Variants in RHOT1 observed in about 807,000 individuals in gnomAD.
The protein encoded by RHOT1 is mitochondrial Rho GTPase 1.
A neutral mutation model predicts 95.3 loss-of-function variants in RHOT1; 27 were observed. The ratio of observed to expected loss-of-function variants is 0.28; its 90% confidence interval spans 0.21 to 0.39. The LOEUF (loss-of-function observed/expected upper bound fraction) is 0.39. Ranked by LOEUF, RHOT1 falls within the 10% of genes least tolerant of loss-of-function variation. The probability of loss-of-function intolerance (pLI) is 1.00; values close to 1 mark genes in which losing one functional copy is unlikely to be tolerated. For synonymous variants in RHOT1, 227 were observed against 263.5 expected (o/e 0.86, Z 1.34); for missense variants, 578 against 786.7 (o/e 0.73, Z 3.17).
chr17:32,181,055 G>A (rs1355832126), intron 6 of RHOT1, among the ~76,000 whole-genome samples: 1 of 152,184 alleles, frequency 6.6e-6, no homozygotes, highest in Non-Finnish European at 1.5e-5. Flanking sequence ...GGGCTATATG[G>A]TGGTCGGTCT....
chr17:32,148,766 G>A (rs555391415), intron 1 of RHOT1, among the ~76,000 whole-genome samples: 1 of 152,304 alleles, frequency 6.6e-6, no homozygotes, highest in African/African-American at 2.4e-5. Flanking sequence ...CTTGAAGCAG[G>A]GGGTGTTTGT....
At chr17:32,182,445 C>T (rs977571333) in intron 6 of RHOT1, among the ~76,000 whole-genome samples, 1 of 152,100 alleles carries the variant, frequency 6.6e-6, no homozygotes, top group Non-Finnish European at 1.5e-5. Flanking sequence ...GTGATCCTGC[C>T]ACTGCACTCC....
At chr17:32,208,508 A>C in intron 18 of RHOT1, 199 bp downstream of exon 18, 1 of 573,002 alleles carries the variant, frequency 1.7e-6, no homozygotes, top group Non-Finnish European at 3.1e-6. Flanking sequence ...TGCTTCTGAC[A>C]ATATCTGTAT....
At chr17:32,174,834 C>T (rs2142550032) in intron 3 of RHOT1, among the ~76,000 whole-genome samples, 1 of 152,304 alleles carries the variant, frequency 6.6e-6, no homozygotes, top group East Asian at 1.9e-4. Flanking sequence ...GCTAAAGATA[C>T]ATGCTAGAGA....
At chr17:32,207,178 G>A in intron 17 of RHOT1, 149 bp downstream of exon 17, 1 of 751,260 alleles carries the variant, frequency 1.3e-6, no homozygotes, top group Admixed American at 2.9e-5. Flanking sequence ...TGAAGGTTCT[G>A]GTTTTGTTCT....
chr17:32,184,257 C>A (rs1417808273), intron 8 of RHOT1, among the ~76,000 whole-genome samples: 2 of 151,982 alleles, frequency 1.3e-5, no homozygotes, highest in Admixed American at 1.3e-4. Context: ...GTTACTCAGC[C>A]CCTGGCCACC....
At chr17:32,169,818 C>T (rs955586322) in intron 1 of RHOT1, among the ~76,000 whole-genome samples, 4 of 151,978 alleles carry the variant, frequency 2.6e-5, no homozygotes, top group Non-Finnish European at 4.4e-5. Context: ...CCATCCTGGG[C>T]GACATGACGA....
intron 19 of RHOT1, among the ~76,000 whole-genome samples, chr17:32,214,069 G>A (rs755030041): frequency 6.6e-6 from 1 of 152,086 alleles, no homozygotes; most frequent in East Asian, 1.9e-4. Context: ...CCTTATCCCC[G>A]TTAGTATTTC....
intron 13 of RHOT1, among the ~76,000 whole-genome samples, chr17:32,199,774 G>C (rs1433879342): frequency 2.0e-5 from 3 of 152,108 alleles, no homozygotes; most frequent in African/African-American, 7.2e-5. Context: ...GGAAAAAGTA[G>C]TAAGTCTTTG....
At chr17:32,186,553 G>T (rs182657586) in intron 8 of RHOT1, among the ~76,000 whole-genome samples, 27 of 152,150 alleles carry the variant, frequency 1.8e-4, no homozygotes, top group Admixed American at 7.9e-4. Context: ...TTTTAGTAGA[G>T]ACGGGGTTTC....
intron 8 of RHOT1, among the ~76,000 whole-genome samples, chr17:32,188,343 G>T (rs1197209136): frequency 1.3e-5 from 2 of 152,192 alleles, no homozygotes; most frequent in African/African-American, 4.8e-5. Context: ...CTATGCAATT[G>T]AGTTTCCATT....
chr17:32,183,964 G>A (rs767237367), intron 8 of RHOT1, among the ~76,000 whole-genome samples: 16 of 152,220 alleles, frequency 1.1e-4, no homozygotes, highest in Non-Finnish European at 1.8e-4. Context: ...GGGATTACAG[G>A]CGTGAGCCAC....
chr17:32,205,194 T>C (rs552091780), intron 16 of RHOT1, among the ~76,000 whole-genome samples: 74 of 151,570 alleles, frequency 4.9e-4, no homozygotes, highest in African/African-American at 1.6e-3. Context: ...CAGGCCCCTG[T>C]GTGTGATGTT....
intron 19 of RHOT1, among the ~76,000 whole-genome samples, chr17:32,219,561 CA>C (rs1322726997): frequency 2.6e-5 from 4 of 152,238 alleles, no homozygotes; most frequent in Non-Finnish European, 5.9e-5. Flanking sequence ...TGACTGTTCA[CA>C]GTTCACACAG....
intron 12 of RHOT1, 44 bp downstream of exon 12, chr17:32,199,075 T>G: frequency 7.3e-7 from 1 of 1,367,448 alleles, no homozygotes; most frequent in South Asian, 1.2e-5. Context: ...AGTAAAACAT[T>G]TTTCTATGGA....
chr17:32,169,679 G>A (rs1044954206), intron 1 of RHOT1, among the ~76,000 whole-genome samples: 1 of 152,174 alleles, frequency 6.6e-6, no homozygotes, highest in Non-Finnish European at 1.5e-5. Context: ...AATTTATTCT[G>A]TAGAAATACT....
intron 1 of RHOT1, among the ~76,000 whole-genome samples, chr17:32,165,358 A>G (rs1029071332): frequency 6.7e-6 from 1 of 150,270 alleles, no homozygotes; most frequent in Non-Finnish European, 1.5e-5. Flanking sequence ...AAAAAAAAAA[A>G]AAAACAATAC....
At chr17:32,223,176 CTT>C (rs987764743) in intron 19 of RHOT1, among the ~76,000 whole-genome samples, 2 of 151,698 alleles carry the variant, frequency 1.3e-5, no homozygotes, top group African/African-American at 4.8e-5. Flanking sequence ...GTGTTGTAGA[CTT>C]TTGTTTCTAG....
At chr17:32,161,220 G>T (rs2033519669) in intron 1 of RHOT1, among the ~76,000 whole-genome samples, 1 of 152,200 alleles carries the variant, frequency 6.6e-6, no homozygotes, top group African/African-American at 2.4e-5. Flanking sequence ...GAGAATGGAG[G>T]ATGTTGATTG....
Sources: allele counts gnomAD v4.1 joint callset (sites outside exome capture counted in the v4.1 genomes callset), GRCh38; gene constraint gnomAD v4.1.1; transcripts MANE v1.5; gene names NCBI Gene and HGNC (gene_info 2026-07-23, HGNC 2026-07-21).